The following EML4 variants were observed in gnomAD, a reference collection of about 807,000 sequenced individuals.
EML4 encodes the protein echinoderm microtubule-associated protein-like 4.
A neutral mutation model predicts 129.0 loss-of-function variants in EML4; 72 were observed. That is an observed-to-expected ratio of 0.56 (90% CI 0.46 to 0.68). The LOEUF is 0.68. Ranked by LOEUF, EML4 falls within the 30% of genes least tolerant of loss-of-function variation. EML4 has a pLI of 0.00. For missense variants in EML4, 1,363 were observed against 1,190.6 expected (o/e 1.14, Z -2.13); for synonymous variants, 532 against 405.0 (o/e 1.31, Z -3.77).
chr2:42,228,816 A>T (rs1572584941), intron 1 of EML4, among the ~76,000 whole-genome samples: 1 of 152,228 alleles, frequency 6.6e-6, no homozygotes. Flanking sequence ...TGCTAGGGTT[A>T]GGAAACAGTC....
intron 1 of EML4, among the ~76,000 whole-genome samples, 162 bp from the exon 2 acceptor site, chr2:42,245,343 C>G (rs758585186): frequency 2.0e-5 from 3 of 151,576 alleles, no homozygotes; most frequent in Non-Finnish European, 2.9e-5. Flanking sequence ...TGATCTGCCT[C>G]TCTTGGCCCC....
At chr2:42,282,318 A>G (rs368207133) in intron 7 of EML4, among the ~76,000 whole-genome samples, 32 of 151,736 alleles carry the variant, frequency 2.1e-4, no homozygotes, top group South Asian at 1.0e-3. Flanking sequence ...TGAGGAAACT[A>G]AGATCTTAAC....
intron 15 of EML4, 38 bp from the exon 16 acceptor site, chr2:42,303,274 ATTC>A: frequency 1.9e-6 from 3 of 1,613,934 alleles, no homozygotes; most frequent in Non-Finnish European, 2.5e-6. Context: ...TTTTTATGAT[ATTC>A]TTTGGTTCTT....
chr2:42,234,737 G>A (rs926372470), intron 1 of EML4, among the ~76,000 whole-genome samples: 2 of 152,234 alleles, frequency 1.3e-5, no homozygotes, highest in Non-Finnish European at 2.9e-5. Flanking sequence ...AGATGGTCAT[G>A]TATATAAAAC....
rs1558614750 is a variant in EML4 at position 42,325,602 on chromosome 2, T to TATATA, written c.2242+48_2242+49insATATA. 369 of 129,300 alleles carry TATATA rather than the reference T, an allele frequency of 2.9e-3. 37 individuals are homozygous for TATATA. The highest frequency in any genetic ancestry group is 0.016 in the East Asian group (63 of 3,926). 8.0% of individuals were successfully genotyped at this position (129,300 alleles called of 1,614,324 possible). On this transcript the variant is annotated intron_variant, in intron 20 of 22. Transcript: ENST00000318522. ...ATATATATATATGCTATGATTATAT[T>TATATA]TATATATATATATATATATATATAT...
At chr2:42,261,849 C>T (rs149053136) in intron 4 of EML4, among the ~76,000 whole-genome samples, 1 of 152,170 alleles carries the variant, frequency 6.6e-6, no homozygotes, top group Non-Finnish European at 1.5e-5. Flanking sequence ...TGCTTGAGGG[C>T]TTCTGTGTCC....
rs1572737573 is a variant in EML4, at chr2:42,310,952, A to T, written c.1968-5010A>T. ...TTATATATGGAAGTTGTATATCTTTAATAACAAACATTGAATTACTACTAA... is the reference window on the plus strand; with the variant it reads ...TTATATATGGAAGTTGTATATCTTTTATAACAAACATTGAATTACTACTAA... On this transcript the variant is annotated intron_variant, in intron 17 of 22. Coordinates refer to ENST00000318522, the MANE Select transcript of EML4 (RefSeq NM_019063.5). 2.0e-5 allele frequency among the ~76,000 whole-genome samples: 3 copies of T among 152,356 alleles called. No homozygotes were observed. In the Middle Eastern group the frequency reaches 0.01, roughly 518 times the overall value.
At chr2:42,175,943 A>G (rs1231946914) in intron 1 of EML4, among the ~76,000 whole-genome samples, 1 of 152,104 alleles carries the variant, frequency 6.6e-6, no homozygotes, top group Non-Finnish European at 1.5e-5. Flanking sequence ...TTAATAGTTA[A>G]AATCATACTG....
intron 1 of EML4, among the ~76,000 whole-genome samples, chr2:42,213,421 A>C (rs1039033171): frequency 5.3e-5 from 8 of 152,204 alleles, no homozygotes; most frequent in African/African-American, 1.9e-4. Flanking sequence ...AGCTATGTGG[A>C]GTTTTATGAA....
chr2:42,317,042 A>G (rs1669282106), intron 18 of EML4, among the ~76,000 whole-genome samples: 1 of 152,216 alleles, frequency 6.6e-6, no homozygotes, highest in South Asian at 2.1e-4. Flanking sequence ...CACAAAAGAA[A>G]GGAATATGGT....
intron 19 of EML4, among the ~76,000 whole-genome samples, chr2:42,323,701 G>A (rs1001067155): frequency 1.3e-5 from 2 of 150,014 alleles, no homozygotes; most frequent in Non-Finnish European, 3.0e-5. Flanking sequence ...TGGGAGGCTG[G>A]GGCAAGTGGA....
intron 1 of EML4, among the ~76,000 whole-genome samples, chr2:42,194,348 T>A (rs1404397107): frequency 3.2e-5 from 2 of 61,716 alleles, no homozygotes; most frequent in African/African-American, 6.1e-5. Context: ...TCTCTCTCTC[T>A]TTTTTTTTTT....
chr2:42,231,308 C>G (rs1674327118), intron 1 of EML4, among the ~76,000 whole-genome samples: 1 of 152,146 alleles, frequency 6.6e-6, no homozygotes, highest in Non-Finnish European at 1.5e-5. Flanking sequence ...TAACTTTGGC[C>G]CTATTCCTTT....
chr2:42,199,305 A>G (rs1221386144), intron 1 of EML4, among the ~76,000 whole-genome samples: 5 of 152,320 alleles, frequency 3.3e-5, no homozygotes, highest in African/African-American at 7.2e-5. Context: ...GAGAGCAGCT[A>G]GGATGTTCAC....
At chr2:42,222,705 T>C (rs1322296497) in intron 1 of EML4, among the ~76,000 whole-genome samples, 1 of 152,190 alleles carries the variant, frequency 6.6e-6, no homozygotes, top group African/African-American at 2.4e-5. Context: ...ATCTTTTGCT[T>C]ACTGGAAACT....
Position 42,231,948 on chromosome 2 carries a change from CA to C in EML4, c.26-13545del, listed in dbSNP as rs556284848. Among the ~76,000 whole-genome samples, 134 of 139,236 alleles carry C rather than the reference CA, an allele frequency of 9.6e-4. 1 individual carries two copies. The highest frequency in any genetic ancestry group is 2.6e-3 in the African/African-American group (101 of 38,630). 91.3% of individuals were successfully genotyped at this position (139,236 alleles called of 152,430 possible). A position where few individuals can be genotyped will look rare whatever the true frequency, so the allele number is the denominator to read the frequency against. On this transcript the variant is annotated intron_variant, in intron 1 of 22. Coordinates refer to ENST00000318522, the MANE Select transcript of EML4 (RefSeq NM_019063.5). ...TGGGCAACAGAGTGAGACTCCGTCT[CA>C]AAAAAAAAAAATTATTTATTTCTAA...
intron 13 of EML4, among the ~76,000 whole-genome samples, chr2:42,298,168 G>A (rs6544538): frequency 0.38 from 58,064 of 152,022 alleles, 12,651 homozygotes; most frequent in African/African-American, 0.6. Context: ...TGTGTTCTCC[G>A]AATAATCAAA....
intron 1 of EML4, among the ~76,000 whole-genome samples, chr2:42,211,267 C>G (rs1370237867): frequency 6.6e-6 from 1 of 151,972 alleles, no homozygotes; most frequent in Non-Finnish European, 1.5e-5. Context: ...GTGTGTTGTA[C>G]AAAATGGTAG....
At chr2:42,180,688 A>G (rs1670883224) in intron 1 of EML4, among the ~76,000 whole-genome samples, 1 of 152,236 alleles carries the variant, frequency 6.6e-6, no homozygotes, top group Non-Finnish European at 1.5e-5. Flanking sequence ...CCTGTAAGTA[A>G]GGCTTTCTCC....
Sources: gnomAD v4.1 joint callset for allele counts (sites outside exome capture counted in the v4.1 genomes callset) on GRCh38, gnomAD v4.1.1 for gene constraint, MANE v1.5 for transcripts, NCBI Gene and HGNC (gene_info 2026-07-23, HGNC 2026-07-21) for gene names.